INVS: variants seen among roughly 807,000 people sequenced by gnomAD.
INVS encodes inversion of embryo turning homolog.
Under a neutral mutation model 108.8 loss-of-function variants are expected in INVS, and 86 were observed. The observed-to-expected ratio is 0.79, with a 90% confidence interval of 0.66 to 0.95. INVS has a LOEUF of 0.95. Ranked by LOEUF, INVS falls within the 40% of genes least tolerant of loss-of-function variation. INVS has a pLI of 0.00. For missense variants in INVS, 1,169 were observed against 1,297.4 expected (o/e 0.90, Z 1.52); for synonymous variants, 455 against 473.5 (o/e 0.96, Z 0.51).
At chr9:100,260,573 T>C (rs772015689) in intron 10 of INVS, among the ~76,000 whole-genome samples, 1 of 152,232 alleles carries the variant, frequency 6.6e-6, no homozygotes, top group Non-Finnish European at 1.5e-5. Context: ...TTAATTATCA[T>C]GAATGCTTAA....
intron 3 of INVS, among the ~76,000 whole-genome samples, chr9:100,215,824 C>A (rs1830969566): frequency 6.6e-6 from 1 of 152,174 alleles, no homozygotes; most frequent in Non-Finnish European, 1.5e-5. Flanking sequence ...TGGGAAGGGG[C>A]AAGGGCAATC....
At chr9:100,129,951 T>C in intron 3 of INVS, 2 of 414,748 alleles carry the variant, frequency 4.8e-6, no homozygotes, top group Non-Finnish European at 4.4e-6. Context: ...TGGATACAAA[T>C]TCCTCACAAG....
chr9:100,137,240 GGA>G (rs1828257466), intron 3 of INVS, among the ~76,000 whole-genome samples: 1 of 152,096 alleles, frequency 6.6e-6, no homozygotes, highest in Non-Finnish European at 1.5e-5. Context: ...TTGATTAGAG[GGA>G]GATGTTTTGT....
chr9:100,132,847 G>C (rs1002295217), intron 3 of INVS, among the ~76,000 whole-genome samples: 1 of 152,048 alleles, frequency 6.6e-6, no homozygotes, highest in Non-Finnish European at 1.5e-5. Context: ...GCTCACGCCT[G>C]TAATCTCAGC....
intron 5 of INVS, among the ~76,000 whole-genome samples, chr9:100,235,792 C>G (rs527424092): frequency 6.6e-6 from 1 of 152,130 alleles, no homozygotes; most frequent in East Asian, 1.9e-4. Context: ...GTCTGGCGCC[C>G]CTTAACATTT....
chr9:100,119,139 CT>C, intron 2 of INVS, among the ~76,000 whole-genome samples: 1 of 152,264 alleles, frequency 6.6e-6, no homozygotes, highest in Admixed American at 6.5e-5. Flanking sequence ...TACAATATGC[CT>C]TGATATCATA....
chr9:100,124,835 TG>T (rs1827836105), intron 2 of INVS, among the ~76,000 whole-genome samples: 1 of 152,266 alleles, frequency 6.6e-6, no homozygotes, highest in Non-Finnish European at 1.5e-5. Context: ...TGACATTTTC[TG>T]TATTATGAGA....
At position 100,300,900 on chromosome 9, in the gene INVS, T is replaced by C. The variant is rs1204010388; in HGVS notation, c.*226T>C. 2 of 575,754 alleles carry C rather than the reference T, an allele frequency of 3.5e-6. No individual in the cohort carries two copies. The highest frequency in any genetic ancestry group is 6.2e-6 in the Non-Finnish European group (2 of 321,736). The allele number at this position is 575,754 out of a possible 1,614,324, so 35.7% of individuals were successfully genotyped here. ...ACAGCCTGCACTGAAAGGACCTGCA[T>C]AGACTATGTCTGTGCAAAGTGCCTG... On this transcript the variant is annotated 3_prime_UTR_variant, in exon 17 of 17. Coordinates refer to ENST00000262457, the MANE Select transcript of INVS (RefSeq NM_014425.5).
Position 100,297,148 on chromosome 9 carries a change from T to C in INVS, c.3016+2T>C. On this transcript the variant is annotated splice_donor_variant, in intron 15 of 16. Coordinates refer to ENST00000262457, the MANE Select transcript of INVS (RefSeq NM_014425.5). LOFTEE classifies it high-confidence loss of function. Reference sequence around the variant, plus strand: ...ACTCAGTGCTTAAGCAAATCTATGGTAACTGTCCTTCTGCCTACTTTGTAG... The same window carrying C: ...ACTCAGTGCTTAAGCAAATCTATGGCAACTGTCCTTCTGCCTACTTTGTAG... 6.2e-7 allele frequency: 1 copy of C among 1,612,122 alleles called. No homozygotes were observed. The highest frequency in any genetic ancestry group is 8.5e-7 in the Non-Finnish European group (1 of 1,178,344).
At chr9:100,128,301 T>C (rs1827949830) in intron 3 of INVS, among the ~76,000 whole-genome samples, 1 of 152,236 alleles carries the variant, frequency 6.6e-6, no homozygotes, top group Non-Finnish European at 1.5e-5. Flanking sequence ...TATGTGGTGG[T>C]ATTTACATAG....
At position 100,292,487 on chromosome 9, in the gene INVS, C is replaced by T. The variant is rs1442064385; in HGVS notation, c.2230C>T (p.Gln744Ter). Reference sequence around the variant, plus strand: ...TGCAAAGGGGAAAGGCTTCGTGAAGCAGCCCTCCTGTATCAGGGTGGCTGG... The same window carrying T: ...TGCAAAGGGGAAAGGCTTCGTGAAGTAGCCCTCCTGTATCAGGGTGGCTGG... ...RCAKGKGFVK[Q>*]PSCIRVAGPD... Residue 744 changes from glutamine (Q) to a stop codon, truncating the protein, a stop_gained, in exon 14 of 17, where the codon CAG (glutamine) becomes TAG (stop). Coordinates refer to ENST00000262457, the MANE Select transcript of INVS (RefSeq NM_014425.5). LOFTEE classifies it high-confidence loss of function. 6.2e-7 allele frequency: 1 copy of T among 1,614,178 alleles called. No individual in the cohort carries two copies. Among genetic ancestry groups the T allele is most frequent in the Non-Finnish European group, 8.5e-7 (1 of 1,180,044 alleles).
In INVS at chr9:100,216,287, G is replaced by A. The variant is rs189591082; in HGVS notation, c.274-9775G>A. On this transcript the variant is annotated intron_variant, in intron 3 of 16. Coordinates refer to ENST00000262457, the MANE Select transcript of INVS (RefSeq NM_014425.5). ...TTTGGGAGTATTGCCTAAGGTAAGG[G>A]TGATGGCTTTTCATTTCAGCCCATT... Among the ~76,000 whole-genome samples the A allele has an allele frequency of 3.2e-3, 487 of 152,272 alleles. 14 individuals carry two copies. Among genetic ancestry groups the A allele is most frequent in the Admixed American group, 0.029 (450 of 15,296 alleles).
intron 3 of INVS, among the ~76,000 whole-genome samples, chr9:100,183,918 A>G (rs1215638868): frequency 6.6e-6 from 1 of 151,810 alleles, no homozygotes; most frequent in South Asian, 2.1e-4. Flanking sequence ...TAAAACTATT[A>G]TGGAATTTAT....
intron 3 of INVS, among the ~76,000 whole-genome samples, chr9:100,187,959 C>G (rs967984119): frequency 2.6e-5 from 4 of 152,118 alleles, no homozygotes; most frequent in African/African-American, 9.7e-5. Context: ...GGATTTAGTT[C>G]ATGATTTGAT....
intron 3 of INVS, among the ~76,000 whole-genome samples, chr9:100,148,056 G>A (rs1016558260): frequency 1.3e-5 from 2 of 151,366 alleles, no homozygotes; most frequent in Non-Finnish European, 2.9e-5. Context: ...GCCGGCCATG[G>A]CAACGTGCAC....
chr9:100,162,346 A>G (rs1305265228), intron 3 of INVS, among the ~76,000 whole-genome samples: 7 of 152,318 alleles, frequency 4.6e-5, no homozygotes. Flanking sequence ...AACAAGAGGT[A>G]ATATCCAGGG....
intron 3 of INVS, among the ~76,000 whole-genome samples, chr9:100,167,261 G>C (rs537754216): frequency 6.6e-6 from 1 of 152,040 alleles, no homozygotes; most frequent in Admixed American, 6.5e-5. Flanking sequence ...CAGAGTAAAA[G>C]ACTAAGTATT....
At chr9:100,205,435 C>A (rs928133525) in intron 3 of INVS, among the ~76,000 whole-genome samples, 2 of 151,954 alleles carry the variant, frequency 1.3e-5, no homozygotes, top group East Asian at 3.9e-4. Context: ...TATGTCCATG[C>A]CACAAACCTG....
chr9:100,100,963 ATAAT>A (rs1826947006), intron 1 of INVS, among the ~76,000 whole-genome samples: 1 of 41,778 alleles, frequency 2.4e-5, no homozygotes, highest in Admixed American at 5.3e-4. Context: ...TATTATATAT[ATAAT>A]ATATATTATA....
Sources: gnomAD v4.1 joint callset for allele counts (sites outside exome capture counted in the v4.1 genomes callset) on GRCh38, gnomAD v4.1.1 for gene constraint, MANE v1.5 for transcripts, NCBI Gene and HGNC (gene_info 2026-07-23, HGNC 2026-07-21) for gene names.